The following TBC1D5 variants were observed in gnomAD, a reference collection of about 807,000 sequenced individuals.
The protein encoded by TBC1D5 is TBC1 domain family, member 5.
TBC1D5 carries 75 observed loss-of-function variants against 100.3 expected under a neutral mutation model. The ratio of observed to expected loss-of-function variants is 0.75; its 90% CI spans 0.62 to 0.91. The LOEUF is 0.91. Ranked by LOEUF, TBC1D5 falls within the 40% of genes least tolerant of loss-of-function variation. The probability of loss-of-function intolerance (pLI) is 0.00; values close to 1 mark genes in which losing one functional copy is unlikely to be tolerated. For synonymous variants in TBC1D5, 323 were observed against 325.6 expected (o/e 0.99, Z 0.09); for missense variants, 910 against 942.4 (o/e 0.97, Z 0.45).
At chr3:17,479,422 C>T (rs2095475393) in intron 3 of TBC1D5, among the ~76,000 whole-genome samples, 2 of 152,126 alleles carry the variant, frequency 1.3e-5, no homozygotes, top group Non-Finnish European at 2.9e-5. Context: ...AAAGGAAACA[C>T]TTTCAAACAA....
rs752406810 is a variant in TBC1D5, at chr3:17,711,464, C to T, written c.-101+27879G>A. 2.6e-4 allele frequency among the ~76,000 whole-genome samples: 40 copies of T among 152,092 alleles called. 1 individual carries two copies. The highest frequency in any genetic ancestry group is 2.5e-3 in the Admixed American group (38 of 15,276). ...ATTCCTCCATAATTCTAATCTTCTGCCCCCCTCATACATAGATAATCATTA... is the reference window on the plus strand; with the variant it reads ...ATTCCTCCATAATTCTAATCTTCTGTCCCCCTCATACATAGATAATCATTA... On this transcript the variant is annotated intron_variant, in intron 1 of 21. Coordinates refer to ENST00000253692, the Ensembl canonical transcript of TBC1D5.
At chr3:17,310,505 G>A (rs1434614709) in intron 13 of TBC1D5, among the ~76,000 whole-genome samples, 1 of 152,060 alleles carries the variant, frequency 6.6e-6, no homozygotes, top group Non-Finnish European at 1.5e-5. Flanking sequence ...GAAACAGAGA[G>A]AGAGAGAGAG....
intron 13 of TBC1D5, among the ~76,000 whole-genome samples, chr3:17,314,060 G>A (rs1372889839): frequency 1.3e-5 from 2 of 152,066 alleles, no homozygotes; most frequent in African/African-American, 4.8e-5. Flanking sequence ...GCTTTGCCCA[G>A]GCCTGATATT....
At chr3:17,356,997 A>T (rs1426634150) in intron 13 of TBC1D5, among the ~76,000 whole-genome samples, 8 of 42,788 alleles carry the variant, frequency 1.9e-4, no homozygotes, top group African/African-American at 1.3e-3. Context: ...TTTGTGATAA[A>T]AAAAAAAAAT....
At chr3:17,184,821 C>T (rs1354587281) in intron 19 of TBC1D5, 1 of 189,724 alleles carries the variant, frequency 5.3e-6, no homozygotes, top group Non-Finnish European at 1.1e-5. Flanking sequence ...GGGATTACAG[C>T]TGTGAGCCAC....
chr3:17,285,248 CTT>C (rs373843978), intron 15 of TBC1D5, among the ~76,000 whole-genome samples: 356 of 104,542 alleles, frequency 3.4e-3, no homozygotes, highest in Non-Finnish European at 4.5e-3. Flanking sequence ...ATTTTAGATT[CTT>C]TTTTTTTTTT....
At chr3:17,224,686 T>C (rs1392865238) in intron 17 of TBC1D5, among the ~76,000 whole-genome samples, 1 of 152,228 alleles carries the variant, frequency 6.6e-6, no homozygotes, top group Non-Finnish European at 1.5e-5. Context: ...GAGAAATCTT[T>C]AGAATACCTG....
intron 18 of TBC1D5, among the ~76,000 whole-genome samples, chr3:17,196,632 T>C (rs2070725272): frequency 6.6e-6 from 1 of 152,250 alleles, no homozygotes; most frequent in African/African-American, 2.4e-5. Context: ...GAGTCAGACA[T>C]ACACGATGCA....
At chr3:17,292,204 T>C (rs560336386) in intron 14 of TBC1D5, among the ~76,000 whole-genome samples, 24 of 152,356 alleles carry the variant, frequency 1.6e-4, no homozygotes, top group African/African-American at 5.8e-4. Flanking sequence ...TCTAATGTAT[T>C]AGCACTTAAC....
chr3:17,708,717 T>C (rs1227148252), intron 1 of TBC1D5, among the ~76,000 whole-genome samples: 2 of 152,234 alleles, frequency 1.3e-5, no homozygotes, highest in African/African-American at 4.8e-5. Flanking sequence ...ATTCATGGGT[T>C]ATATGTATTG....
chr3:17,378,988 C>A (rs1299642001), intron 9 of TBC1D5, among the ~76,000 whole-genome samples: 2 of 151,624 alleles, frequency 1.3e-5, no homozygotes, highest in Non-Finnish European at 2.9e-5. Context: ...ACATTTTTTC[C>A]AGGCTTTCAC....
intron 9 of TBC1D5, among the ~76,000 whole-genome samples, chr3:17,382,710 A>C (rs1311297636): frequency 6.6e-6 from 1 of 151,818 alleles, no homozygotes; most frequent in Non-Finnish European, 1.5e-5. Context: ...ATACGTGTGC[A>C]CCACCATGCC....
intron 13 of TBC1D5, among the ~76,000 whole-genome samples, chr3:17,361,253 T>A (rs2091678756): frequency 6.6e-6 from 1 of 152,018 alleles, no homozygotes; most frequent in South Asian, 2.1e-4. Context: ...CTGTGCCATT[T>A]GCATTGGGTA....
intron 17 of TBC1D5, among the ~76,000 whole-genome samples, chr3:17,222,748 T>G (rs2074422195): frequency 6.6e-6 from 1 of 152,068 alleles, no homozygotes; most frequent in Admixed American, 6.6e-5. Flanking sequence ...GATTTTTTTT[T>G]TTCTATCTCT....
chr3:17,713,714 A>T (rs1269609624), intron 1 of TBC1D5, among the ~76,000 whole-genome samples: 4 of 152,248 alleles, frequency 2.6e-5, no homozygotes. Context: ...ATTAAAAAAT[A>T]GGAAAAGAAT....
At chr3:17,291,915 G>A (rs752906034) in exon 15 of TBC1D5, 6 of 1,613,842 alleles carry the variant, frequency 3.7e-6, no homozygotes, top group South Asian at 1.1e-5. Flanking sequence ...CTAAGGAACA[G>A]AGCCTTAAGA....
At chr3:17,378,669 C>T (rs2092806534) in intron 9 of TBC1D5, among the ~76,000 whole-genome samples, 1 of 151,514 alleles carries the variant, frequency 6.6e-6, no homozygotes, top group African/African-American at 2.4e-5. Context: ...ACATTATACA[C>T]TTTAGTCAAT....
intron 2 of TBC1D5, among the ~76,000 whole-genome samples, chr3:17,587,372 A>G (rs2096739228): frequency 6.6e-6 from 1 of 152,048 alleles, no homozygotes; most frequent in South Asian, 2.1e-4. Flanking sequence ...ACATATAAAA[A>G]GATAGCAGCA....
chr3:17,552,472 A>G (rs149757477), intron 2 of TBC1D5, among the ~76,000 whole-genome samples: 1 of 152,242 alleles, frequency 6.6e-6, no homozygotes, highest in Non-Finnish European at 1.5e-5. Context: ...TGGAGGTTGA[A>G]GTAAGCAGAA....
Sources: gnomAD v4.1 joint callset for allele counts (sites outside exome capture counted in the v4.1 genomes callset) on GRCh38, gnomAD v4.1.1 for gene constraint, MANE v1.5 for transcripts, NCBI Gene and HGNC (gene_info 2026-07-23, HGNC 2026-07-21) for gene names.